DNAH5: variants seen among roughly 807,000 people sequenced by gnomAD.
The protein encoded by DNAH5 is dynein axonemal heavy chain 5.
In DNAH5, 372 loss-of-function variants were observed where a neutral mutation model predicts 518.2. The observed-to-expected ratio is 0.72, with a 90% confidence interval of 0.66 to 0.78. The LOEUF is 0.78. Ranked by LOEUF, DNAH5 falls within the 30% of genes least tolerant of loss-of-function variation. DNAH5 has a pLI of 0.00. For synonymous variants in DNAH5, 2,039 were observed against 2,025.9 expected (o/e 1.01, Z -0.17); for missense variants, 5,523 against 5,687.0 (o/e 0.97, Z 0.93).
At chr5:13,724,062 C>A (rs570729991) in intron 70 of DNAH5, among the ~76,000 whole-genome samples, 1 of 152,254 alleles carries the variant, frequency 6.6e-6, no homozygotes, top group Non-Finnish European at 1.5e-5. Context: ...AGGCATGGAT[C>A]TGAAACCAGA....
At position 13,900,318 on chromosome 5, in the gene DNAH5, A is replaced by T. The variant is rs1376870742; in HGVS notation, c.2147T>A (p.Ile716Asn). The change falls in exon 15 of 79, where the codon ATC (isoleucine) becomes AAC (asparagine). Residue 716 changes from isoleucine to asparagine, a missense_variant. Physicochemically the swap from Ile to Asn is moderately radical, Grantham distance 149. Transcript: ENST00000265104. ...LFVNFDPQIL[I>N]LFRETECMAQ... ...CATGCACTCTGTTTCTCTAAATAAG[A>T]TTAATATCTGAGGGTCAAAGTTTAC... is the stretch of plus-strand genomic sequence containing the variant. 1 of 1,614,162 alleles carries T rather than the reference A, an allele frequency of 6.2e-7. No individual in the cohort carries two copies. The highest frequency in any genetic ancestry group is 2.2e-5 in the East Asian group (1 of 44,890).
At chr5:13,829,399 A>C in intron 38 of DNAH5, 111 bp downstream of exon 38, 1 of 1,074,638 alleles carries the variant, frequency 9.3e-7, no homozygotes, top group Non-Finnish European at 1.4e-6. Flanking sequence ...ACTCAGTGTC[A>C]ATAAAATCCT....
At chr5:13,755,552 T>G (rs1041849112) in intron 61 of DNAH5, among the ~76,000 whole-genome samples, 1 of 152,198 alleles carries the variant, frequency 6.6e-6, no homozygotes, top group Admixed American at 6.5e-5. Context: ...TATAGAGACA[T>G]GAATTGCTTT....
intron 30 of DNAH5, among the ~76,000 whole-genome samples, chr5:13,852,602 C>A (rs976335847): frequency 6.6e-6 from 1 of 152,214 alleles, no homozygotes; most frequent in Non-Finnish European, 1.5e-5. Flanking sequence ...CAGAACCCAG[C>A]AAGCTAAGAT....
chr5:13,787,689 A>G (rs957368175), intron 51 of DNAH5, among the ~76,000 whole-genome samples: 4 of 151,836 alleles, frequency 2.6e-5, no homozygotes, highest in African/African-American at 4.8e-5. Context: ...AATTACATAC[A>G]TTTTAATTAC....
intron 49 of DNAH5, 29 bp from the exon 50 acceptor site, chr5:13,792,246 AT>A: frequency 6.3e-7 from 1 of 1,575,690 alleles, no homozygotes; most frequent in Non-Finnish European, 8.7e-7. Flanking sequence ...CAGCATTTTG[AT>A]TAGCCATTCA....
At chr5:13,773,063 C>A (rs2126794672) in intron 55 of DNAH5, among the ~76,000 whole-genome samples, 1 of 152,266 alleles carries the variant, frequency 6.6e-6, no homozygotes, top group Admixed American at 6.5e-5. Flanking sequence ...ATTTTCCCAA[C>A]AAGATTTTCT....
rs761368713 is a variant in DNAH5 at position 13,729,497 on chromosome 5, G to C, written c.11825C>G (p.Thr3942Arg). ...GCTAAGTTCCACCAAATTCAGCCAT[G>C]TTATGTCCAGGATCCATTTTGATGG... is the stretch of plus-strand genomic sequence containing the variant. Reference protein sequence around the residue: ...PKPSKWILDITWLNLVELSKL... With the variant: ...PKPSKWILDIRWLNLVELSKL... Residue 3942 changes from threonine to arginine, a missense_variant, in exon 69 of 79, where the codon ACA becomes AGA. Coordinates refer to ENST00000265104, the MANE Select transcript of DNAH5 (RefSeq NM_001369.3). The C allele has an allele frequency of 1.9e-6, 3 of 1,613,954 alleles. No homozygotes were observed. Among genetic ancestry groups the C allele is most frequent in the Non-Finnish European group, 2.5e-6 (3 of 1,179,870 alleles).
At chr5:13,931,304 G>C (rs1350213347) in intron 1 of DNAH5, 60 bp from the exon 2 acceptor site, 3 of 1,602,998 alleles carry the variant, frequency 1.9e-6, no homozygotes, top group African/African-American at 1.3e-5. Context: ...GATTCATTTT[G>C]TAATAATTTC....
At chr5:13,933,990 G>A (rs1778672606) in intron 1 of DNAH5, among the ~76,000 whole-genome samples, 2 of 152,088 alleles carry the variant, frequency 1.3e-5, no homozygotes, top group South Asian at 4.2e-4. Context: ...GTGTGACTGT[G>A]CCACTAACCT....
At chr5:13,850,615 A>G (rs747121815) in intron 31 of DNAH5, 37 bp downstream of exon 31, 1 of 1,596,994 alleles carries the variant, frequency 6.3e-7, no homozygotes, top group South Asian at 1.1e-5. Context: ...TTTTGTCTCA[A>G]GGATACCGAG....
chr5:13,738,825 A>G (rs1350313739), intron 65 of DNAH5, among the ~76,000 whole-genome samples: 1 of 152,214 alleles, frequency 6.6e-6, no homozygotes, highest in African/African-American at 2.4e-5. Flanking sequence ...GCTAAAGAAA[A>G]GAATCAAAAA....
In DNAH5 at chr5:13,864,769, G is replaced by T. The variant is rs530636621; in HGVS notation, c.4356-132C>A. 78 of 1,008,970 alleles carry T rather than the reference G, an allele frequency of 7.7e-5. No homozygotes were observed. The African/African-American group carries it at 1.1e-3, about 15-fold the overall frequency. 62.5% of individuals were successfully genotyped at this position (1,008,970 alleles called of 1,614,324 possible). On this transcript the variant is annotated intron_variant, in intron 27 of 78. Transcript: ENST00000265104. ...TATCCTATTTTAAATCCCATGACTT[G>T]CAGGCTGTCTGTTCATATAATATAC... is the stretch of plus-strand genomic sequence containing the variant.
chr5:13,907,013 A>G (rs1444023452), intron 12 of DNAH5, among the ~76,000 whole-genome samples: 1 of 152,230 alleles, frequency 6.6e-6, no homozygotes, highest in Non-Finnish European at 1.5e-5. Flanking sequence ...AGTAAGAGAC[A>G]AGATTAACAT....
chr5:13,798,739 A>T (rs28668457), intron 47 of DNAH5, among the ~76,000 whole-genome samples: 3,375 of 59,092 alleles, frequency 0.057, 62 homozygotes, highest in East Asian at 0.12. Context: ...GATTTTATTT[A>T]TTTTATTTAT....
intron 52 of DNAH5, among the ~76,000 whole-genome samples, chr5:13,782,389 C>G (rs1382329404): frequency 6.6e-6 from 1 of 152,224 alleles, no homozygotes; most frequent in African/African-American, 2.4e-5. Context: ...AACATATTTT[C>G]CATCTCTATG....
intron 1 of DNAH5, among the ~76,000 whole-genome samples, chr5:13,994,109 C>T (rs1351504837): frequency 1.3e-5 from 2 of 152,178 alleles, no homozygotes; most frequent in African/African-American, 2.4e-5. Context: ...TCCCAGCCTC[C>T]GCCTACAGGC....
chr5:13,865,299 C>A (rs993867503), intron 27 of DNAH5, among the ~76,000 whole-genome samples: 1 of 152,132 alleles, frequency 6.6e-6, no homozygotes, highest in East Asian at 1.9e-4. Flanking sequence ...AGCCAGCTCT[C>A]CATTTTCTTT....
At chr5:14,010,123 A>C (rs1455993160) in intron 1 of DNAH5, among the ~76,000 whole-genome samples, 1 of 152,052 alleles carries the variant, frequency 6.6e-6, no homozygotes, top group South Asian at 2.1e-4. Context: ...TCAATGATTT[A>C]CTTTTTTCAC....
Sources: allele counts gnomAD v4.1 joint callset (sites outside exome capture counted in the v4.1 genomes callset), GRCh38; gene constraint gnomAD v4.1.1; transcripts MANE v1.5; gene names NCBI Gene and HGNC (gene_info 2026-07-23, HGNC 2026-07-21).